FYTTD1: variants seen among roughly 807,000 people sequenced by gnomAD.
FYTTD1 encodes forty-two-three domain containing 1.
Under a neutral mutation model 40.9 loss-of-function variants are expected in FYTTD1, and 22 were observed. That is an observed-to-expected ratio of 0.54 (90% CI 0.38 to 0.77). The LOEUF (loss-of-function observed/expected upper bound fraction) is 0.77, where lower values mean the gene tolerates loss of function less well. Ranked by LOEUF, FYTTD1 falls within the 30% of genes least tolerant of loss-of-function variation. FYTTD1 has a pLI of 0.00. For synonymous variants in FYTTD1, 140 were observed against 137.9 expected (o/e 1.01, Z -0.10); for missense variants, 351 against 392.2 (o/e 0.90, Z 0.89).
intron 2 of FYTTD1, among the ~76,000 whole-genome samples, chr3:197,757,811 T>C (rs762373953): frequency 2.0e-5 from 3 of 152,212 alleles, no homozygotes; most frequent in Non-Finnish European, 4.4e-5. Flanking sequence ...AAATTATTCA[T>C]CTCTAATAAT....
intron 4 of FYTTD1, among the ~76,000 whole-genome samples, chr3:197,772,509 C>T (rs562921505): frequency 9.9e-5 from 15 of 152,228 alleles, no homozygotes; most frequent in Admixed American, 5.9e-4. Context: ...ACGTTCAGCA[C>T]GTGTCTCAGA....
chr3:197,786,068 C>T lies in FYTTD1; in HGVS notation c.*4159C>T, dbSNP rs1730145942. The stretch of plus-strand genomic sequence containing the variant: ...TAGACTTCTAATATCTTTTATTTCC[C>T]TTCTCACCACAGTTTATTTTCTTTT... On this transcript the variant is annotated 3_prime_UTR_variant, in exon 9 of 9. Transcript: ENST00000241502. 1 of 149,360 alleles carries T rather than the reference C, an allele frequency of 6.7e-6. No individual in the cohort carries two copies. The highest frequency in any genetic ancestry group is 2.5e-5 in the African/African-American group (1 of 40,658). The allele number at this position is 149,360 out of a possible 1,614,324, so 9.3% of individuals were successfully genotyped here. A position where few individuals can be genotyped will look rare whatever the true frequency, so the allele number is the denominator to read the frequency against.
chr3:197,750,685 G>A (rs1043071661), intron 1 of FYTTD1: 3 of 985,480 alleles, frequency 3.0e-6, no homozygotes, highest in Non-Finnish European at 3.6e-6. Flanking sequence ...GCGCTCGGCC[G>A]CCTGTGGGAT....
rs199559563 is a variant in FYTTD1, at chr3:197,776,380, A to ATT, written c.657-545_657-544dup. Reference sequence around the variant, plus strand: ...CCACCACACCCCACGCCCAGCTTAAATTTGTTTTTTTTTTTTTTTTTTTTG... The same window carrying ATT: ...CCACCACACCCCACGCCCAGCTTAAATTTTTGTTTTTTTTTTTTTTTTTTTTG... On this transcript the variant is annotated intron_variant, in intron 6 of 8. Coordinates refer to ENST00000241502, the MANE Select transcript of FYTTD1 (RefSeq NM_032288.7). 5.0e-4 allele frequency among the ~76,000 whole-genome samples: 59 copies of ATT among 117,538 alleles called. 11 individuals carry two copies. The highest frequency in any genetic ancestry group is 8.2e-4 in the Non-Finnish European group (45 of 54,694). The allele number at this position is 117,538 out of a possible 152,430, so 77.1% of individuals were successfully genotyped here. A position where few individuals can be genotyped will look rare whatever the true frequency, so the allele number is the denominator to read the frequency against.
chr3:197,764,197 C>A (rs1729471709), intron 2 of FYTTD1, among the ~76,000 whole-genome samples: 1 of 152,108 alleles, frequency 6.6e-6, no homozygotes, highest in South Asian at 2.1e-4. Flanking sequence ...TGGATGAAGT[C>A]TTTAGTACCC....
intron 2 of FYTTD1, among the ~76,000 whole-genome samples, chr3:197,759,899 T>C (rs1192423046): frequency 6.7e-6 from 1 of 148,804 alleles, no homozygotes; most frequent in Non-Finnish European, 1.5e-5. Context: ...ATGTATAGGG[T>C]GTTCCTCAGT....
intron 2 of FYTTD1, among the ~76,000 whole-genome samples, chr3:197,764,327 A>G (rs565076928): frequency 7.9e-4 from 120 of 152,340 alleles, no homozygotes; most frequent in African/African-American, 2.9e-3. Context: ...AAGGGTAAAG[A>G]ATATAATCAT....
intron 4 of FYTTD1, among the ~76,000 whole-genome samples, chr3:197,772,989 C>G (rs776609147): frequency 2.6e-5 from 4 of 152,132 alleles, no homozygotes; most frequent in Non-Finnish European, 5.9e-5. Context: ...ATTTTTCAAA[C>G]CTTTCTCTTT....
chr3:197,765,602 C>G (rs958194176), intron 2 of FYTTD1, among the ~76,000 whole-genome samples: 1 of 152,130 alleles, frequency 6.6e-6, no homozygotes, highest in African/African-American at 2.4e-5. Context: ...TGGCTCACGC[C>G]TGTAACCCCA....
intron 4 of FYTTD1, among the ~76,000 whole-genome samples, chr3:197,772,939 C>G (rs1049688273): frequency 2.0e-5 from 3 of 152,140 alleles, no homozygotes; most frequent in Non-Finnish European, 4.4e-5. Flanking sequence ...ATAATGGTTT[C>G]TGAGTGAGGA....
chr3:197,766,746 A>G (rs1040527142), intron 2 of FYTTD1, among the ~76,000 whole-genome samples: 2 of 152,044 alleles, frequency 1.3e-5, no homozygotes, highest in Admixed American at 1.3e-4. Context: ...CCCAGCCTGC[A>G]GTACAGGATT....
chr3:197,766,134 G>A (rs560429581), intron 2 of FYTTD1, among the ~76,000 whole-genome samples: 2 of 148,700 alleles, frequency 1.3e-5, no homozygotes, highest in Non-Finnish European at 3.0e-5. Context: ...TTGCACTCCA[G>A]CCTGGGCAAC....
intron 3 of FYTTD1, among the ~76,000 whole-genome samples, chr3:197,769,667 C>A (rs767267322): frequency 2.6e-5 from 4 of 152,118 alleles, no homozygotes; most frequent in Non-Finnish European, 5.9e-5. Context: ...CATAACTTCC[C>A]CACTTTTTCT....
intron 2 of FYTTD1, among the ~76,000 whole-genome samples, chr3:197,758,015 T>G (rs1200357629): frequency 6.6e-6 from 1 of 152,228 alleles, no homozygotes; most frequent in Non-Finnish European, 1.5e-5. Flanking sequence ...GCGATTCTCC[T>G]GCCTCAGCCT....
At chr3:197,776,111 G>A (rs181881821) in intron 6 of FYTTD1, among the ~76,000 whole-genome samples, 4 of 152,216 alleles carry the variant, frequency 2.6e-5, no homozygotes, top group Admixed American at 2.0e-4. Flanking sequence ...AGTTACAAAG[G>A]CCTGGAAATA....
At chr3:197,762,462 A>G (rs1729416361) in intron 2 of FYTTD1, among the ~76,000 whole-genome samples, 1 of 151,876 alleles carries the variant, frequency 6.6e-6, no homozygotes, top group Admixed American at 6.6e-5. Context: ...GGTGGCGGGC[A>G]CCTGTAGTCC....
rs1481169585 is a variant in FYTTD1 at position 197,781,793 on chromosome 3, T to C, written c.859-18T>C. 6.4e-7 allele frequency: 1 copy of C among 1,573,504 alleles called. No homozygotes were observed. The highest frequency in any genetic ancestry group is 2.2e-5 in the East Asian group (1 of 44,454). On this transcript the variant is annotated intron_variant, in intron 8 of 8. Coordinates refer to ENST00000241502, the MANE Select transcript of FYTTD1 (RefSeq NM_032288.7). Reference sequence around the variant, plus strand: ...AATTGTTGCTTTGTTGTTGTTTTTGTTTTTTTCTTTTCTCTAGACAGGGAT... The same window carrying C: ...AATTGTTGCTTTGTTGTTGTTTTTGCTTTTTTCTTTTCTCTAGACAGGGAT...
intron 2 of FYTTD1, among the ~76,000 whole-genome samples, chr3:197,760,002 G>T (rs1729329391): frequency 6.8e-6 from 1 of 146,644 alleles, no homozygotes; most frequent in African/African-American, 2.5e-5. Context: ...TAGAACATAC[G>T]GAGTTGTTCT....
chr3:197,771,732 C>A (rs948146655), intron 4 of FYTTD1, among the ~76,000 whole-genome samples: 1 of 144,270 alleles, frequency 6.9e-6, no homozygotes, highest in Non-Finnish European at 1.5e-5. Flanking sequence ...AGCCGAGATC[C>A]CGCCACTGCA....
Sources: allele counts gnomAD v4.1 joint callset (sites outside exome capture counted in the v4.1 genomes callset), GRCh38; gene constraint gnomAD v4.1.1; transcripts MANE v1.5; gene names NCBI Gene and HGNC (gene_info 2026-07-23, HGNC 2026-07-21).